The following ZNF814 variants were observed in gnomAD, a reference collection of about 807,000 sequenced individuals.
ZNF814 encodes the protein zinc finger protein 814.
In ZNF814, 5 loss-of-function variants were observed where a neutral mutation model predicts 7.5. That is an observed-to-expected ratio of 0.67 (90% CI 0.35 to 1.40). The LOEUF (loss-of-function observed/expected upper bound fraction) is 1.40, where lower values mean the gene tolerates loss of function less well. ZNF814 is among the 40% of genes most tolerant of loss of function. The pLI is 0.04. For synonymous variants in ZNF814, 315 were observed against 340.7 expected, an observed-to-expected ratio of 0.92 and a Z score of 0.83; for missense variants, 962 against 1,018.0, an observed-to-expected ratio of 0.94 and a Z score of 0.75.
Position 57,873,427 on chromosome 19 carries a change from T to G in ZNF814, c.1963A>C (p.Thr655Pro). 6.2e-7 allele frequency: 1 copy of G among 1,613,606 alleles called. No individual in the cohort carries two copies. The highest frequency in any genetic ancestry group is 8.5e-7 in the Non-Finnish European group (1 of 1,179,786). Residue 655 changes from threonine (T) to proline (P), a missense_variant, in exon 3 of 3, where the codon ACT becomes CCT. Physicochemically the swap from Thr to Pro is conservative, Grantham distance 38 (BLOSUM62 -1). Around this residue, in one of 7 missense-constraint regions of ZNF814, gnomAD observed 665 missense variants for 551.4 expected, o/e 1.21. Coordinates refer to ENST00000435989, the MANE Select transcript of ZNF814 (RefSeq NM_001144989.2). ...CCACACTTAAAAGGTCTTTCTGTAG[T>G]GTGAACTCGCTGATGATTCCTAAGG... ...GHLRNHQRVH[T>P]TERPFKCGEC...
intron 1 of ZNF814, among the ~76,000 whole-genome samples, chr19:57,885,653 AAGAATAAGATCTAGAAAAAG>A (rs966676444): frequency 6.8e-4 from 104 of 151,998 alleles, no homozygotes; most frequent in East Asian, 1.2e-3. Context: ...ACAAAAAACA[AAGAATAAGATCTAGAAAAAG>A]AGAATAAGAT....
At chr19:57,887,843 T>C (rs1323788736) in intron 1 of ZNF814, among the ~76,000 whole-genome samples, 1 of 152,212 alleles carries the variant, frequency 6.6e-6, no homozygotes, top group Non-Finnish European at 1.5e-5. Flanking sequence ...GTAGTGCCCA[T>C]ATCTAACTCT....
intron 1 of ZNF814, among the ~76,000 whole-genome samples, chr19:57,887,105 T>C (rs1469133533): frequency 2.0e-5 from 3 of 152,084 alleles, no homozygotes; most frequent in Admixed American, 2.0e-4. Flanking sequence ...GGAGAATCGC[T>C]TGAACCCGGG....
intron 1 of ZNF814, among the ~76,000 whole-genome samples, chr19:57,884,516 A>G (rs193043626): frequency 0.011 from 1,703 of 152,252 alleles, 34 homozygotes; most frequent in African/African-American, 0.039. Flanking sequence ...CACTTGGGAG[A>G]CTGAGGTAGC....
At chr19:57,883,458 C>G (rs2071664906) in intron 1 of ZNF814, among the ~76,000 whole-genome samples, 1 of 151,572 alleles carries the variant, frequency 6.6e-6, no homozygotes. Context: ...GTCAAGAGAT[C>G]GAGACTATTC....
At chr19:57,901,672 A>T in the ZNF814 span, 1 of 376,272 alleles carries the variant, frequency 2.7e-6, no homozygotes, top group Non-Finnish European at 4.5e-6. Flanking sequence ...AGACCCTCCA[A>T]CATGGGGACA....
At chr19:57,889,248 T>G (rs373111153), upstream of ZNF814, among the ~76,000 whole-genome samples, 1 of 152,136 alleles carries the variant, frequency 6.6e-6, no homozygotes, top group East Asian at 1.9e-4. Flanking sequence ...GGAGTATCCT[T>G]AAGATGTGCG....
upstream of ZNF814, among the ~76,000 whole-genome samples, chr19:57,889,774 G>C (rs1383043216): frequency 6.6e-6 from 1 of 151,906 alleles, no homozygotes; most frequent in Non-Finnish European, 1.5e-5. Context: ...CGAGGCAGGA[G>C]AATCTCTTGT....
chr19:57,890,329 C>T (rs1214930810), upstream of ZNF814, among the ~76,000 whole-genome samples: 1 of 152,012 alleles, frequency 6.6e-6, no homozygotes, highest in Non-Finnish European at 1.5e-5. Flanking sequence ...AATTGCGAGA[C>T]TGGGGTTTTT....
At position 57,873,640 on chromosome 19, in the gene ZNF814, A is replaced by T. The variant is rs2071576596; in HGVS notation, c.1750T>A (p.Ser584Thr). The T allele has an allele frequency of 1.2e-6, 2 of 1,613,842 alleles. No homozygotes were observed. Among genetic ancestry groups the T allele is most frequent in the Non-Finnish European group, 1.7e-6 (2 of 1,180,008 alleles). Reference sequence around the variant, plus strand: ...CTAAGGTGCCCGATTGAACTAAAAGATTTCCCACATTCTCCACACCCATAA... The same window carrying T: ...CTAAGGTGCCCGATTGAACTAAAAGTTTTCCCACATTCTCCACACCCATAA... The part of the protein sequence containing the change: ...RSYGCGECGK[S>T]FSSIGHLRSH... The change falls in exon 3 of 3, where the codon TCT becomes ACT. Residue 584 changes from serine (S) to threonine (T), a missense_variant. By Grantham distance (58) the Ser-to-Thr change is moderately conservative (BLOSUM62 1). Coordinates refer to ENST00000435989, the MANE Select transcript of ZNF814 (RefSeq NM_001144989.2).
chr19:57,889,124 T>A, upstream of ZNF814: 1 of 433,126 alleles, frequency 2.3e-6, no homozygotes, highest in African/African-American at 2.0e-5. Flanking sequence ...AGAGGTCTTC[T>A]ACGCTATCAT....
chr19:57,899,117 C>T, the ZNF814 span, among the ~76,000 whole-genome samples: 1 of 151,954 alleles, frequency 6.6e-6, no homozygotes, highest in Non-Finnish European at 1.5e-5. Flanking sequence ...CTTTAGCTAC[C>T]CAAGATTATG....
chr19:57,873,181 C>A lies in ZNF814; in HGVS notation c.2209G>T (p.Val737Phe), dbSNP rs754921969. 10 of 1,613,378 alleles carry A rather than the reference C, an allele frequency of 6.2e-6. No individual in the cohort carries two copies. The highest frequency in any genetic ancestry group is 7.6e-6 in the Non-Finnish European group (9 of 1,179,750). The change falls in exon 3 of 3, where the codon GTT (valine) becomes TTT (phenylalanine). Residue 737 changes from valine (V) to phenylalanine (F), a missense_variant. Physicochemically the swap from Val to Phe is conservative, Grantham distance 50. Coordinates refer to ENST00000435989, the MANE Select transcript of ZNF814 (RefSeq NM_001144989.2). Reference sequence around the variant, plus strand: ...TCATAAGGCCTTTCTCCAGTGTGAACTCTCTGATGTGCAATGAGTTGGTAC... The same window carrying A: ...TCATAAGGCCTTTCTCCAGTGTGAAATCTCTGATGTGCAATGAGTTGGTAC... The part of the protein sequence containing the change: ...NKYQLIAHQR[V>F]HTGERPYECN...
the ZNF814 span, among the ~76,000 whole-genome samples, chr19:57,897,474 A>T: frequency 2.6e-5 from 4 of 152,192 alleles, no homozygotes; most frequent in African/African-American, 9.7e-5. Context: ...CCCCGGTATA[A>T]GAAAGGCAAT....
Position 57,872,630 on chromosome 19 carries a change from AG to A in ZNF814, c.*191del. On this transcript the variant is annotated 3_prime_UTR_variant, in exon 3 of 3. Coordinates refer to ENST00000435989, the MANE Select transcript of ZNF814 (RefSeq NM_001144989.2). ...TTAATGAGACTGAAAGTTTCAGCAAAGGATTTCCCACATTCACTGCACTCAT... is the reference window on the plus strand; with the variant it reads ...TTAATGAGACTGAAAGTTTCAGCAAAGATTTCCCACATTCACTGCACTCAT... 2 of 1,432,890 alleles carry A rather than the reference AG, an allele frequency of 1.4e-6. No individual in the cohort carries two copies. The highest frequency in any genetic ancestry group is 1.9e-6 in the Non-Finnish European group (2 of 1,039,444). 88.8% of individuals were successfully genotyped at this position (1,432,890 alleles called of 1,614,324 possible). A position where few individuals can be genotyped will look rare whatever the true frequency, so the allele number is the denominator to read the frequency against.
At chr19:57,878,601 G>T (rs2071628044) in intron 1 of ZNF814, among the ~76,000 whole-genome samples, 1 of 151,784 alleles carries the variant, frequency 6.6e-6, no homozygotes, top group Non-Finnish European at 1.5e-5. Flanking sequence ...TGGGATTACA[G>T]GCATGTACCA....
rs1600141478 is a variant in ZNF814, at chr19:57,888,890, T to G, written c.-88A>C. The stretch of plus-strand genomic sequence containing the variant: ...GACGGTCCGTATCCTGGCCCAGGAG[T>G]GGGTCACGCTGGGCGCCGTCACAGA... On this transcript the variant is annotated 5_prime_UTR_variant, in exon 1 of 3. Transcript: ENST00000435989. 7.1e-7 allele frequency: 1 copy of G among 1,410,404 alleles called. No homozygotes were observed. The highest frequency in any genetic ancestry group is 9.8e-7 in the Non-Finnish European group (1 of 1,023,592). 87.4% of individuals were successfully genotyped at this position (1,410,404 alleles called of 1,614,324 possible).
chr19:57,900,839 A>ATTTTTTTTGTTTTTTTTTTTTTTTT, the ZNF814 span, among the ~76,000 whole-genome samples: 1 of 45,782 alleles, frequency 2.2e-5, no homozygotes, highest in Non-Finnish European at 3.8e-5. Context: ...CCATGGCTGC[A>ATTTTTTTTGTTTTTTTTTTTTTTTT]TTTTTTTTTT....
chr19:57,902,870 G>A, the ZNF814 span, among the ~76,000 whole-genome samples: 11 of 151,632 alleles, frequency 7.3e-5, no homozygotes, highest in Non-Finnish European at 1.6e-4. Flanking sequence ...TAGTAGAGAC[G>A]GAGTTTCACC....
Sources: gnomAD v4.1 joint callset for allele counts (sites outside exome capture counted in the v4.1 genomes callset) on GRCh38, gnomAD v4.1.1 for gene constraint, gnomAD v4.1.1 regional missense constraint, MANE v1.5 for transcripts, NCBI Gene and HGNC (gene_info 2026-07-23, HGNC 2026-07-21) for gene names.